The following KMT2C variants were observed in gnomAD, a reference collection of about 807,000 sequenced individuals.
The protein encoded by KMT2C is lysine methyltransferase 2C, also known as histone-lysine N-methyltransferase 2C.
KMT2C carries 88 observed loss-of-function variants against 507.9 expected under a neutral mutation model. The ratio of observed to expected loss-of-function variants is 0.17; its 90% CI spans 0.15 to 0.21. KMT2C has a LOEUF of 0.21. Among genes scored for constraint, KMT2C ranks in the 10% least tolerant of loss-of-function variants. The pLI, the probability that KMT2C is intolerant of heterozygous loss-of-function variation, is 1.00. For missense variants in KMT2C, 4,954 were observed against 5,957.8 expected, an observed-to-expected ratio of 0.83 and a Z score of 5.55; for synonymous variants, 2,049 against 2,080.8, an observed-to-expected ratio of 0.98 and a Z score of 0.42.
chr7:152,377,794 C>T (rs2097341052), intron 1 of KMT2C, among the ~76,000 whole-genome samples: 1 of 148,170 alleles, frequency 6.7e-6, no homozygotes, highest in Non-Finnish European at 1.5e-5. Context: ...AAACTGAAAA[C>T]CTTCTGGAAA....
intron 2 of KMT2C, among the ~76,000 whole-genome samples, chr7:152,346,615 T>C (rs1409762884): frequency 6.6e-6 from 1 of 152,166 alleles, no homozygotes; most frequent in African/African-American, 2.4e-5. Context: ...ACATATACAG[T>C]TGACCCTTGA....
chr7:152,424,765 A>G (rs2097801043), intron 1 of KMT2C, among the ~76,000 whole-genome samples: 1 of 152,128 alleles, frequency 6.6e-6, no homozygotes, highest in Non-Finnish European at 1.5e-5. Flanking sequence ...TCTGTATTCA[A>G]CAGGCAAGTC....
At chr7:152,178,932 C>G (rs1213982807) in intron 37 of KMT2C, among the ~76,000 whole-genome samples, 2 of 152,192 alleles carry the variant, frequency 1.3e-5, no homozygotes, top group African/African-American at 4.8e-5. Flanking sequence ...AACCCTATCT[C>G]ACCATGGAAA....
chr7:152,201,439 A>C (rs1300725694), intron 26 of KMT2C, among the ~76,000 whole-genome samples: 10 of 152,014 alleles, frequency 6.6e-5, no homozygotes, highest in African/African-American at 2.4e-4. Flanking sequence ...CTTTTGCCAA[A>C]GTATTAAATG....
At chr7:152,303,346 G>A (rs111953678) in intron 6 of KMT2C, among the ~76,000 whole-genome samples, 1 of 152,348 alleles carries the variant, frequency 6.6e-6, no homozygotes, top group Non-Finnish European at 1.5e-5. Context: ...TAGTTTTGGT[G>A]TGGGAGGCTG....
intron 55 of KMT2C, among the ~76,000 whole-genome samples, chr7:152,143,405 A>G (rs377439271): frequency 6.6e-6 from 1 of 152,390 alleles, no homozygotes; most frequent in South Asian, 2.1e-4. Flanking sequence ...GAGAAAGGAT[A>G]TAAGACAGAA....
intron 55 of KMT2C, among the ~76,000 whole-genome samples, chr7:152,143,068 C>CA (rs774622705): frequency 1.3e-5 from 2 of 152,138 alleles, no homozygotes; most frequent in East Asian, 3.9e-4. Flanking sequence ...ACAGTAAAAG[C>CA]ACACTCCTCG....
At chr7:152,195,533 G>A in intron 28 of KMT2C, 1 of 985,052 alleles carries the variant, frequency 1.0e-6, no homozygotes, top group Non-Finnish European at 1.2e-6. Context: ...AAATGGAAAA[G>A]GTGAGCTCTC....
chr7:152,175,128 T>C (rs902519111), intron 38 of KMT2C, among the ~76,000 whole-genome samples: 1 of 144,386 alleles, frequency 6.9e-6, no homozygotes, highest in African/African-American at 2.6e-5. Context: ...CTGGAAAGAA[T>C]CTAAAACTCT....
Position 152,330,594 on chromosome 7 carries a change from C to A in KMT2C, c.389+7G>T. The A allele has an allele frequency of 6.2e-7, 1 of 1,613,700 alleles. No homozygotes were observed. The highest frequency in any genetic ancestry group is 1.6e-4 in the Middle Eastern group (1 of 6,062). On this transcript the variant is annotated splice_region_variant and intron_variant, in intron 3 of 58. Coordinates refer to ENST00000262189, the MANE Select transcript of KMT2C (RefSeq NM_170606.3). The stretch of plus-strand genomic sequence containing the variant: ...AATATCCAATCCAGCTGCATTCATT[C>A]TCTAACCTGATTTTGGCTTCTACAC...
At chr7:152,208,169 A>G (rs2094356949) in intron 23 of KMT2C, among the ~76,000 whole-genome samples, 1 of 152,164 alleles carries the variant, frequency 6.6e-6, no homozygotes, top group African/African-American at 2.4e-5. Context: ...TGTCTTCCCA[A>G]TGCCCTCAAA....
intron 2 of KMT2C, among the ~76,000 whole-genome samples, chr7:152,342,824 C>A (rs189678895): frequency 6.6e-6 from 1 of 152,318 alleles, no homozygotes; most frequent in African/African-American, 2.4e-5. Context: ...TTTCTCTTAA[C>A]AAGGCCTGCC....
At chr7:152,388,054 CA>C (rs2116521062) in intron 1 of KMT2C, among the ~76,000 whole-genome samples, 1 of 148,506 alleles carries the variant, frequency 6.7e-6, no homozygotes, top group East Asian at 2.0e-4. Context: ...TCATGTTATG[CA>C]GTGAAGCTTT....
chr7:152,190,181 C>T (rs943345832), intron 31 of KMT2C, among the ~76,000 whole-genome samples: 2 of 151,964 alleles, frequency 1.3e-5, no homozygotes, highest in African/African-American at 4.8e-5. Context: ...GTCCCTGGTG[C>T]GAAAAAGGCT....
At chr7:152,229,350 T>C (rs868503254) in intron 18 of KMT2C, among the ~76,000 whole-genome samples, 5 of 152,288 alleles carry the variant, frequency 3.3e-5, no homozygotes, top group East Asian at 1.9e-4. Context: ...TAGTGAAGTA[T>C]TGAGACCTGT....
At chr7:152,242,147 C>CTCT (rs1212453392) in intron 14 of KMT2C, among the ~76,000 whole-genome samples, 2 of 152,164 alleles carry the variant, frequency 1.3e-5, no homozygotes, top group Non-Finnish European at 2.9e-5. Flanking sequence ...AATGTATGGG[C>CTCT]TCTTCCCCTA....
intron 6 of KMT2C, among the ~76,000 whole-genome samples, chr7:152,279,997 A>G: frequency 6.6e-6 from 1 of 152,310 alleles, no homozygotes; most frequent in Non-Finnish European, 1.5e-5. Flanking sequence ...TATATGGCAA[A>G]GGAATTCTGC....
chr7:152,383,125 A>T (rs2097388453), intron 1 of KMT2C, among the ~76,000 whole-genome samples: 1 of 151,932 alleles, frequency 6.6e-6, no homozygotes, highest in Non-Finnish European at 1.5e-5. Context: ...CCACACATCT[A>T]TATATAATTT....
intron 6 of KMT2C, among the ~76,000 whole-genome samples, chr7:152,287,233 T>C (rs1481237514): frequency 6.6e-6 from 1 of 152,204 alleles, no homozygotes; most frequent in Non-Finnish European, 1.5e-5. Context: ...AGAGGCCTAT[T>C]GGAGAATCCA....
Sources: gnomAD v4.1 joint callset for allele counts (sites outside exome capture counted in the v4.1 genomes callset) on GRCh38, gnomAD v4.1.1 for gene constraint, MANE v1.5 for transcripts, NCBI Gene and HGNC (gene_info 2026-07-23, HGNC 2026-07-21) for gene names.